The following LAMC3 variants were observed in gnomAD, a reference collection of about 807,000 sequenced individuals.
LAMC3 encodes laminin subunit gamma-3.
A neutral mutation model predicts 173.8 loss-of-function variants in LAMC3; 128 were observed. The observed-to-expected ratio is 0.74, with a 90% CI of 0.64 to 0.85. The LOEUF (loss-of-function observed/expected upper bound fraction) is 0.85. LAMC3 is among the 40% of genes least tolerant of loss of function. The pLI, the probability that LAMC3 is intolerant of heterozygous loss-of-function variation, is 0.00. For missense variants in LAMC3, 2,022 were observed against 2,156.0 expected, an observed-to-expected ratio of 0.94 and a Z score of 1.23; for synonymous variants, 897 against 909.1, an observed-to-expected ratio of 0.99 and a Z score of 0.24.
At chr9:131,079,868 TTC>T (rs1830206265) in intron 23 of LAMC3, among the ~76,000 whole-genome samples, 1 of 152,114 alleles carries the variant, frequency 6.6e-6, no homozygotes, top group Non-Finnish European at 1.5e-5. Context: ...CCTGGGATCA[TTC>T]TCTCTCATGC....
chr9:131,024,732 G>A (rs183339817), intron 1 of LAMC3, among the ~76,000 whole-genome samples: 1 of 152,322 alleles, frequency 6.6e-6, no homozygotes, highest in Admixed American at 6.5e-5. Context: ...CTCAGTGAAT[G>A]CCTGCCAGGT....
At chr9:131,083,679 C>T (rs977549365) in intron 24 of LAMC3, among the ~76,000 whole-genome samples, 3 of 152,214 alleles carry the variant, frequency 2.0e-5, no homozygotes, top group South Asian at 2.1e-4. Context: ...TTCCCCCTAA[C>T]GTTTGTTAAC....
At chr9:131,064,449 G>A (rs970849752) in intron 13 of LAMC3, among the ~76,000 whole-genome samples, 19 of 147,080 alleles carry the variant, frequency 1.3e-4, no homozygotes, top group African/African-American at 4.8e-4. Flanking sequence ...AGATCACAAG[G>A]TCAGGAGATC....
At chr9:131,052,347 G>C in intron 9 of LAMC3, 144 bp from the exon 10 acceptor site, 1 of 751,896 alleles carries the variant, frequency 1.3e-6, no homozygotes, top group Non-Finnish European at 2.3e-6. Flanking sequence ...CCCCTGCAGG[G>C]TCTGCTGTGC....
intron 1 of LAMC3, among the ~76,000 whole-genome samples, chr9:131,013,036 G>A (rs951217265): frequency 2.0e-5 from 3 of 152,236 alleles, no homozygotes; most frequent in Non-Finnish European, 4.4e-5. Context: ...TGGGGTGTTG[G>A]GGGAGTGGAC....
rs1833731354 is a variant in LAMC3, at chr9:131,026,981, G to C, written c.678+392G>C. On this transcript the variant is annotated intron_variant, in intron 2 of 27. Coordinates refer to ENST00000361069, the MANE Select transcript of LAMC3 (RefSeq NM_006059.4). This position sits in a 1 kb window ranked among gnomAD's most constrained non-coding sequence, Gnocchi z 4.8. ...CCTGCCTCGGCCTCCCAAAGTGCTGGGATTACAGGCATGAGCCACTGCCCT... is the reference window on the plus strand; with the variant it reads ...CCTGCCTCGGCCTCCCAAAGTGCTGCGATTACAGGCATGAGCCACTGCCCT... 6.6e-6 allele frequency among the ~76,000 whole-genome samples: 1 copy of C among 152,132 alleles called. No individual in the cohort carries two copies.
At chr9:131,089,802 A>G (rs6597676) in intron 27 of LAMC3, among the ~76,000 whole-genome samples, 91,440 of 151,688 alleles carry the variant, frequency 0.6, 28,723 homozygotes, top group African/African-American at 0.79. Flanking sequence ...GAGAATTGCC[A>G]TGCTCTACAC....
chr9:131,039,120 T>C lies in LAMC3; in HGVS notation c.1166-11T>C. The C allele has an allele frequency of 6.2e-7, 1 of 1,611,440 alleles. No homozygotes were observed. The highest frequency in any genetic ancestry group is 1.1e-5 in the South Asian group (1 of 91,038). ...CCTGGCCTCAATTGCCCTGTGCCCT[T>C]CCTCTCCCAGGCTCCCTACACCTCC... On this transcript the variant is annotated splice_polypyrimidine_tract_variant and intron_variant, in intron 5 of 27. Transcript: ENST00000361069.
chr9:131,047,747 C>G (rs1282833229), intron 8 of LAMC3, among the ~76,000 whole-genome samples: 1 of 151,336 alleles, frequency 6.6e-6, no homozygotes, highest in African/African-American at 2.4e-5. Flanking sequence ...CCTGTAATCC[C>G]AGCTACTCGG....
At chr9:131,070,581 C>T (rs1022593735) in intron 17 of LAMC3, among the ~76,000 whole-genome samples, 12 of 152,130 alleles carry the variant, frequency 7.9e-5, no homozygotes, top group African/African-American at 1.2e-4. Flanking sequence ...TGGGGTGGCG[C>T]GCACCTGTAA....
At chr9:131,077,877 TG>T (rs749818489) in intron 22 of LAMC3, among the ~76,000 whole-genome samples, 17 of 151,966 alleles carry the variant, frequency 1.1e-4, no homozygotes, top group African/African-American at 4.1e-4. Context: ...ATGTTAAGGC[TG>T]GGGCCTCTTC....
intron 1 of LAMC3, among the ~76,000 whole-genome samples, chr9:131,023,745 G>A (rs1238671163): frequency 6.6e-6 from 1 of 152,090 alleles, no homozygotes; most frequent in African/African-American, 2.4e-5. Context: ...GCAGCTTGGA[G>A]GCACGGGCCA....
Position 131,064,589 on chromosome 9 carries a change from G to C in LAMC3, c.2348-2371G>C, listed in dbSNP as rs578080966. Among the ~76,000 whole-genome samples, 9 of 152,050 alleles carry C rather than the reference G, an allele frequency of 5.9e-5. No individual in the cohort carries two copies. In the East Asian group the frequency reaches 1.7e-3, roughly 29 times the overall value. Reference sequence around the variant, plus strand: ...GAGGCAGGAGAATGGCGTGAACCCCGGGGGGCGGAGCCTGCAGTGAGCCGA... The same window carrying C: ...GAGGCAGGAGAATGGCGTGAACCCCCGGGGGCGGAGCCTGCAGTGAGCCGA... On this transcript the variant is annotated intron_variant, in intron 13 of 27. Coordinates refer to ENST00000361069, the MANE Select transcript of LAMC3 (RefSeq NM_006059.4).
intron 20 of LAMC3, 64 bp downstream of exon 20, chr9:131,073,385 C>G: frequency 8.0e-7 from 1 of 1,254,860 alleles, no homozygotes; most frequent in Non-Finnish European, 1.2e-6. Context: ...GGGTCAGAGT[C>G]AGCCCCACAG....
intron 22 of LAMC3, among the ~76,000 whole-genome samples, chr9:131,077,929 G>A (rs976779813): frequency 2.6e-5 from 4 of 152,052 alleles, no homozygotes; most frequent in Non-Finnish European, 5.9e-5. Flanking sequence ...GATGGACACG[G>A]GATGCAATCC....
chr9:131,075,806 T>G, intron 20 of LAMC3, 25 bp from the exon 21 acceptor site: 1 of 1,602,590 alleles, frequency 6.2e-7, no homozygotes, highest in Non-Finnish European at 8.5e-7. Flanking sequence ...CCCTTGGTAA[T>G]GCTCAGGTGG....
chr9:131,041,786 A>C, intron 7 of LAMC3, 51 bp downstream of exon 7: 29 of 1,505,296 alleles, frequency 1.9e-5, no homozygotes, highest in Non-Finnish European at 2.4e-5. Context: ...CTGGGGGCTC[A>C]CTGATGAGGC....
Position 131,073,302 on chromosome 9 carries a change from G to A in LAMC3, c.3475G>A (p.Ala1159Thr). Residue 1159 changes from alanine (A) to threonine (T), a missense_variant, in exon 20 of 28, where the codon GCC (alanine) becomes ACC (threonine). Ala to Thr is a moderately conservative substitution (Grantham distance 58, BLOSUM62 0). Coordinates refer to ENST00000361069, the MANE Select transcript of LAMC3 (RefSeq NM_006059.4). ...CAAATGGAGCCACCTGGCCACAGAGGCCCGTGCCCTCGCCAGGAGGTGAGT... is the reference window on the plus strand; with the variant it reads ...CAAATGGAGCCACCTGGCCACAGAGACCCGTGCCCTCGCCAGGAGGTGAGT... ...PTKWSHLATE[A>T]RALARSHRDT... 1 of 1,613,770 alleles carries A rather than the reference G, an allele frequency of 6.2e-7. No homozygotes were observed. Among genetic ancestry groups the A allele is most frequent in the Non-Finnish European group, 8.5e-7 (1 of 1,179,878 alleles).
chr9:131,077,056 C>G lies in LAMC3; in HGVS notation c.3630-131C>G, dbSNP rs1366124856. 3 of 1,225,638 alleles carry G rather than the reference C, an allele frequency of 2.4e-6. No homozygotes were observed. In the East Asian group the frequency reaches 7.1e-5, roughly 29 times the overall value. The allele number at this position is 1,225,638 out of a possible 1,614,324, so 75.9% of individuals were successfully genotyped here. On this transcript the variant is annotated intron_variant, in intron 21 of 27. Coordinates refer to ENST00000361069, the MANE Select transcript of LAMC3 (RefSeq NM_006059.4). ...CCACTTTCCGAGGCAGCTGTACCTA[C>G]CCCGCAGAGGGCTATTCTGCCTGGG... is the stretch of plus-strand genomic sequence containing the variant.
Sources: allele counts gnomAD v4.1 joint callset (sites outside exome capture counted in the v4.1 genomes callset), GRCh38; gene constraint gnomAD v4.1.1; non-coding constraint Gnocchi (gnomAD v3.1); transcripts MANE v1.5; gene names NCBI Gene and HGNC (gene_info 2026-07-23, HGNC 2026-07-21).